Variants in DPYD observed in about 807,000 individuals in gnomAD.
DPYD encodes dihydropyrimidine dehydrogenase.
Under a neutral mutation model 116.2 loss-of-function variants are expected in DPYD, and 109 were observed. The ratio of observed to expected loss-of-function variants is 0.94; its 90% CI spans 0.80 to 1.10. The LOEUF (loss-of-function observed/expected upper bound fraction) is 1.10. Ranked by LOEUF, DPYD falls within the 50% of genes least tolerant of loss-of-function variation. The pLI is 0.00. For missense variants in DPYD, 1,302 were observed against 1,254.5 expected, an observed-to-expected ratio of 1.04 and a Z score of -0.57; for synonymous variants, 440 against 432.0, an observed-to-expected ratio of 1.02 and a Z score of -0.23.
intron 5 of DPYD, among the ~76,000 whole-genome samples, chr1:97,701,444 A>C (rs548381647): frequency 7.2e-5 from 11 of 151,828 alleles, no homozygotes; most frequent in African/African-American, 2.7e-4. Context: ...GCCAATGAAT[A>C]AATCCATATT....
chr1:97,316,680 G>C (rs1243577280), intron 16 of DPYD, among the ~76,000 whole-genome samples: 1 of 151,640 alleles, frequency 6.6e-6, no homozygotes, highest in Non-Finnish European at 1.5e-5. Context: ...CATTCTGCTT[G>C]TTTGAAGTCT....
intron 2 of DPYD, among the ~76,000 whole-genome samples, chr1:97,880,946 G>A (rs1228497498): frequency 1.3e-5 from 2 of 151,846 alleles, no homozygotes; most frequent in African/African-American, 4.8e-5. Flanking sequence ...GAATTCAGTG[G>A]GATTTCCCCT....
intron 18 of DPYD, among the ~76,000 whole-genome samples, chr1:97,285,644 T>A (rs1233913521): frequency 6.6e-6 from 1 of 151,988 alleles, no homozygotes; most frequent in Non-Finnish European, 1.5e-5. Context: ...TTGGCCATTC[T>A]GACAATTGGC....
At chr1:97,802,009 T>G (rs147133856) in intron 3 of DPYD, among the ~76,000 whole-genome samples, 26 of 152,020 alleles carry the variant, frequency 1.7e-4, no homozygotes, top group African/African-American at 5.8e-4. Context: ...AAAATTAAAA[T>G]TCATCAGTAT....
At chr1:97,166,144 T>C (rs893524868) in intron 20 of DPYD, among the ~76,000 whole-genome samples, 2 of 152,190 alleles carry the variant, frequency 1.3e-5, no homozygotes, top group Admixed American at 6.5e-5. Context: ...GGTATGTTCA[T>C]TACAACACTA....
chr1:97,147,415 C>T (rs773976414), intron 20 of DPYD, among the ~76,000 whole-genome samples: 3 of 152,134 alleles, frequency 2.0e-5, no homozygotes, highest in Non-Finnish European at 4.4e-5. Flanking sequence ...AGGGAGATCA[C>T]AAACAGCCTT....
At chr1:97,662,428 C>A (rs897156811) in intron 8 of DPYD, among the ~76,000 whole-genome samples, 1 of 151,390 alleles carries the variant, frequency 6.6e-6, no homozygotes, top group Non-Finnish European at 1.5e-5. Flanking sequence ...GTCCAGAGAT[C>A]GAGACCATCC....
intron 20 of DPYD, among the ~76,000 whole-genome samples, chr1:97,179,277 A>AT (rs1366186101): frequency 2.0e-5 from 3 of 151,818 alleles, no homozygotes; most frequent in African/African-American, 7.2e-5. Context: ...CACAAATGCT[A>AT]TGTGTTTGCT....
intron 9 of DPYD, among the ~76,000 whole-genome samples, chr1:97,594,815 GTAGTT>G (rs1016814990): frequency 2.6e-5 from 4 of 151,970 alleles, no homozygotes; most frequent in African/African-American, 4.8e-5. Context: ...TTTTCATGAT[GTAGTT>G]TAGACATATA....
chr1:97,906,791 A>G (rs554021805), intron 1 of DPYD, among the ~76,000 whole-genome samples: 5 of 152,038 alleles, frequency 3.3e-5, no homozygotes, highest in South Asian at 2.1e-4. Flanking sequence ...TTCCTTCTTC[A>G]CAGCTTCAGG....
intron 12 of DPYD, among the ~76,000 whole-genome samples, chr1:97,529,408 C>A (rs187073894): frequency 6.6e-6 from 1 of 152,048 alleles, no homozygotes; most frequent in African/African-American, 2.4e-5. Flanking sequence ...GGTTAAAAAA[C>A]GGCTTCACTA....
chr1:97,160,280 T>A (rs1655791025), intron 20 of DPYD, among the ~76,000 whole-genome samples: 1 of 152,078 alleles, frequency 6.6e-6, no homozygotes, highest in East Asian at 1.9e-4. Flanking sequence ...CTTTTCTTTC[T>A]TATCCTTTCA....
At chr1:97,826,330 AT>A (rs1395359151) in intron 3 of DPYD, among the ~76,000 whole-genome samples, 1 of 152,094 alleles carries the variant, frequency 6.6e-6, no homozygotes, top group Admixed American at 6.6e-5. Flanking sequence ...TTGAGGACAA[AT>A]TTCCTACACT....
chr1:97,402,535 T>C (rs1006877811), intron 14 of DPYD, among the ~76,000 whole-genome samples: 2 of 152,132 alleles, frequency 1.3e-5, no homozygotes, highest in African/African-American at 4.8e-5. Context: ...TTTCTGATTT[T>C]CTATGTACAC....
intron 8 of DPYD, among the ~76,000 whole-genome samples, chr1:97,615,200 T>A (rs1311882366): frequency 6.6e-6 from 1 of 152,136 alleles, no homozygotes; most frequent in Non-Finnish European, 1.5e-5. Context: ...CTGAACATCT[T>A]CCACTGGTTG....
At chr1:97,574,325 T>A (rs1653122290) in intron 10 of DPYD, among the ~76,000 whole-genome samples, 1 of 152,150 alleles carries the variant, frequency 6.6e-6, no homozygotes, top group Non-Finnish European at 1.5e-5. Context: ...TTTTTAATCA[T>A]GCTGCATATT....
chr1:97,636,757 C>A (rs569734963), intron 8 of DPYD, among the ~76,000 whole-genome samples: 4 of 152,092 alleles, frequency 2.6e-5, no homozygotes, highest in Non-Finnish European at 5.9e-5. Flanking sequence ...TGTCTGAATT[C>A]TTTAATCTCT....
chr1:97,642,737 G>C (rs1295829332), intron 8 of DPYD, among the ~76,000 whole-genome samples: 1 of 103,224 alleles, frequency 9.7e-6, no homozygotes, highest in Non-Finnish European at 1.8e-5. Flanking sequence ...GTTGTGGGGT[G>C]GGGGGAGGGG....
intron 14 of DPYD, among the ~76,000 whole-genome samples, chr1:97,414,692 C>A (rs1674193989): frequency 6.6e-6 from 1 of 152,196 alleles, no homozygotes; most frequent in Admixed American, 6.5e-5. Context: ...AGATTGTATT[C>A]TTCACTGAAT....
Sources: allele counts gnomAD v4.1 joint callset (sites outside exome capture counted in the v4.1 genomes callset), GRCh38; gene constraint gnomAD v4.1.1; transcripts MANE v1.5; gene names NCBI Gene and HGNC (gene_info 2026-07-23, HGNC 2026-07-21).